The following UNC13C variants were observed in gnomAD, a reference collection of about 807,000 sequenced individuals.
The protein encoded by UNC13C is unc-13 homolog C.
In UNC13C, 174 loss-of-function variants were observed where a neutral mutation model predicts 245.4. The ratio of observed to expected loss-of-function variants is 0.71; its 90% confidence interval spans 0.63 to 0.80. The LOEUF (loss-of-function observed/expected upper bound fraction) is 0.80, where lower values mean the gene tolerates loss of function less well. UNC13C is among the 30% of genes least tolerant of loss of function. UNC13C has a pLI of 0.00. For missense variants in UNC13C, 2,829 were observed against 2,602.9 expected, an observed-to-expected ratio of 1.09 and a Z score of -1.89; for synonymous variants, 992 against 895.1, an observed-to-expected ratio of 1.11 and a Z score of -1.93.
the UNC13C span, among the ~76,000 whole-genome samples, chr15:53,854,104 C>G: frequency 7.6e-6 from 1 of 131,686 alleles, no homozygotes; most frequent in East Asian, 2.4e-4. Context: ...CCTAGATTTT[C>G]TCCCAGGGTT....
At chr15:54,046,802 G>C (rs1897057138) in intron 2 of UNC13C, among the ~76,000 whole-genome samples, 1 of 151,540 alleles carries the variant, frequency 6.6e-6, no homozygotes, top group South Asian at 2.1e-4. Context: ...CATAAACTGA[G>C]TACAAGTACA....
chr15:54,404,779 C>T (rs2040259993), intron 18 of UNC13C, among the ~76,000 whole-genome samples: 1 of 152,126 alleles, frequency 6.6e-6, no homozygotes, highest in Admixed American at 6.5e-5. Context: ...AGTTTTGCTT[C>T]TATCACAGTT....
intron 14 of UNC13C, among the ~76,000 whole-genome samples, chr15:54,329,295 C>G (rs1010788909): frequency 1.3e-5 from 2 of 151,812 alleles, no homozygotes; most frequent in East Asian, 3.9e-4. Context: ...CATTCCAATT[C>G]CACTCTTTTA....
chr15:53,846,956 T>TCAC, the UNC13C span, among the ~76,000 whole-genome samples: 2 of 152,064 alleles, frequency 1.3e-5, no homozygotes, highest in Admixed American at 1.3e-4. Context: ...TCTCACAGTG[T>TCAC]AGGGCCCAAC....
At chr15:53,862,429 C>A in the UNC13C span, among the ~76,000 whole-genome samples, 1 of 152,062 alleles carries the variant, frequency 6.6e-6, no homozygotes, top group African/African-American at 2.4e-5. Context: ...TAATCTTTAA[C>A]TAGAGCCTGG....
At chr15:54,019,722 T>C (rs1407724674) in intron 2 of UNC13C, among the ~76,000 whole-genome samples, 4 of 152,206 alleles carry the variant, frequency 2.6e-5, no homozygotes, top group African/African-American at 9.7e-5. Context: ...TGTCAGAATA[T>C]GTTGACTTCC....
At chr15:54,430,938 T>C (rs897876105) in intron 19 of UNC13C, among the ~76,000 whole-genome samples, 3 of 151,740 alleles carry the variant, frequency 2.0e-5, no homozygotes, top group Non-Finnish European at 4.4e-5. Context: ...ACGGGAAATT[T>C]CAGATGTCAT....
intron 1 of UNC13C, among the ~76,000 whole-genome samples, chr15:53,991,723 G>C (rs80066164): frequency 0.028 from 4,260 of 152,078 alleles, 214 homozygotes; most frequent in East Asian, 0.21. Flanking sequence ...CCACTCCAAT[G>C]TTGCAACTTA....
chr15:54,540,624 T>C (rs1896202204), intron 26 of UNC13C, among the ~76,000 whole-genome samples: 1 of 152,104 alleles, frequency 6.6e-6, no homozygotes, highest in African/African-American at 2.4e-5. Context: ...ATTGCGAATG[T>C]ATAAGCTCTT....
At chr15:54,463,777 C>T (rs1274008919) in intron 19 of UNC13C, among the ~76,000 whole-genome samples, 3 of 152,088 alleles carry the variant, frequency 2.0e-5, no homozygotes, top group Non-Finnish European at 2.9e-5. Flanking sequence ...AAAATGAAAA[C>T]CAGATCAAGA....
intron 2 of UNC13C, among the ~76,000 whole-genome samples, chr15:54,042,068 C>A (rs920854309): frequency 1.3e-5 from 2 of 151,964 alleles, no homozygotes; most frequent in Non-Finnish European, 2.9e-5. Context: ...CAAGATGCTG[C>A]GATTTTTAAA....
Position 54,627,109 on chromosome 15 carries a change from C to A in UNC13C, c.6641C>A (p.Ala2214Asp). 1.2e-6 allele frequency: 2 copies of A among 1,606,644 alleles called. No individual in the cohort carries two copies. The highest frequency in any genetic ancestry group is 1.7e-6 in the Non-Finnish European group (2 of 1,175,712). The stretch of plus-strand genomic sequence containing the variant: ...GAAACAAGATCTACTGAAGAGAGTG[C>A]TTGAAACAAACACTGCAAGCTAAAT... Reference protein sequence around the residue: ...KSETRSTEESA With the variant: ...KSETRSTEESD The change falls in exon 33 of 33, where the codon GCT becomes GAT. Residue 2214 changes from alanine to aspartate, a missense_variant. Coordinates refer to ENST00000260323, the MANE Select transcript of UNC13C (RefSeq NM_001080534.3).
chr15:54,210,443 A>G (rs1439416065), intron 4 of UNC13C, among the ~76,000 whole-genome samples: 2 of 151,888 alleles, frequency 1.3e-5, no homozygotes, highest in African/African-American at 4.8e-5. Flanking sequence ...CTATGTCAAA[A>G]TTACTTCATG....
At chr15:54,142,871 T>C in intron 2 of UNC13C, 147 bp from the exon 3 acceptor site, 1 of 665,294 alleles carries the variant, frequency 1.5e-6, no homozygotes. Flanking sequence ...ACTATCCTTG[T>C]ACCCTTGGGC....
intron 30 of UNC13C, among the ~76,000 whole-genome samples, chr15:54,619,764 A>T (rs1198688129): frequency 6.6e-6 from 1 of 152,132 alleles, no homozygotes; most frequent in Non-Finnish European, 1.5e-5. Context: ...CACGTAATGC[A>T]CATCAAAGCA....
intron 29 of UNC13C, among the ~76,000 whole-genome samples, chr15:54,563,426 T>C (rs1461495297): frequency 6.6e-6 from 1 of 152,022 alleles, no homozygotes; most frequent in Non-Finnish European, 1.5e-5. Context: ...AAGGAGGAAA[T>C]GACCTGTCCT....
At position 54,015,462 on chromosome 15, in the gene UNC13C, C is replaced by A. The variant is rs781492363; in HGVS notation, c.2559C>A (p.Tyr853Ter). Reference protein sequence around the residue: ...ESSTTLDSDVYTEPYYYKAED... With the variant: ...ESSTTLDSDV ...GTACCACACTTGACTCTGATGTCTA[C>A]ACGGAGCCCTATTACTATAAAGCAG... Residue 853 changes from tyrosine (Y) to a stop codon, truncating the protein, a stop_gained, in exon 2 of 33, where the codon TAC becomes TAA. Transcript: ENST00000260323. LOFTEE classifies it high-confidence loss of function. 2 of 1,613,482 alleles carry A rather than the reference C, an allele frequency of 1.2e-6. No individual in the cohort carries two copies. Among genetic ancestry groups the A allele is most frequent in the Non-Finnish European group, 1.7e-6 (2 of 1,179,778 alleles).
the UNC13C span, among the ~76,000 whole-genome samples, chr15:53,896,261 A>G: frequency 2.0e-5 from 3 of 152,096 alleles, no homozygotes; most frequent in African/African-American, 4.8e-5. Context: ...TAAAAAAAAT[A>G]CTCCTAGAGC....
At chr15:54,558,843 A>G (rs906699419) in intron 29 of UNC13C, among the ~76,000 whole-genome samples, 4 of 152,132 alleles carry the variant, frequency 2.6e-5, no homozygotes, top group Non-Finnish European at 4.4e-5. Flanking sequence ...TATATGTGCA[A>G]ACTAATAGGG....
Sources: gnomAD v4.1 joint callset for allele counts (sites outside exome capture counted in the v4.1 genomes callset) on GRCh38, gnomAD v4.1.1 for gene constraint, MANE v1.5 for transcripts, NCBI Gene and HGNC (gene_info 2026-07-23, HGNC 2026-07-21) for gene names.